Variants in NDE1 observed in about 807,000 individuals in gnomAD.
The protein encoded by NDE1 is nudE neurodevelopment protein 1, also known as nuclear distribution protein nudE homolog 1.
Under a neutral mutation model 43.4 loss-of-function variants are expected in NDE1, and 28 were observed. That is an observed-to-expected ratio of 0.65 (90% CI 0.48 to 0.89). NDE1 has a LOEUF of 0.89. Ranked by LOEUF, NDE1 falls within the 40% of genes least tolerant of loss-of-function variation. NDE1 has a pLI of 0.00. For missense variants in NDE1, 441 were observed against 434.1 expected (o/e 1.02, Z -0.14); for synonymous variants, 184 against 172.0 (o/e 1.07, Z -0.55).
intron 1 of NDE1, among the ~76,000 whole-genome samples, chr16:15,652,964 A>G (rs543290920): frequency 6.6e-6 from 1 of 152,206 alleles, no homozygotes; most frequent in Admixed American, 6.5e-5. Context: ...CGCCTGGCCT[A>G]AGCTTTTTAA....
rs9935327 is a variant in NDE1, at chr16:15,719,909, C to A, written c.948-4282C>A. ...CACCATTCTGGGTGGGCTCCACAGACCTGCCTGAGAAGCTGAGCCCCTGAT... is the reference window on the plus strand; with the variant it reads ...CACCATTCTGGGTGGGCTCCACAGAACTGCCTGAGAAGCTGAGCCCCTGAT... On this transcript the variant is annotated intron_variant, in intron 8 of 8. Coordinates refer to ENST00000396354, the MANE Select transcript of NDE1 (RefSeq NM_017668.3). Among the ~76,000 whole-genome samples the A allele has an allele frequency of 0.075, 11,462 of 152,210 alleles. 1,057 individuals carry two copies. Among genetic ancestry groups the A allele is most frequent in the African/African-American group, 0.22 (9,111 of 41,494 alleles).
intron 8 of NDE1, 153 bp from the exon 9 acceptor site, chr16:15,724,038 A>G (rs560599903): frequency 9.1e-5 from 139 of 1,520,446 alleles, no homozygotes; most frequent in Non-Finnish European, 1.2e-4. Flanking sequence ...ACAGCCTCCC[A>G]TGGCTCCCCA....
At chr16:15,719,803 A>G in intron 8 of NDE1, 2 of 1,564,850 alleles carry the variant, frequency 1.3e-6, no homozygotes, top group Non-Finnish European at 1.7e-6. Flanking sequence ...CACCCCTTGG[A>G]TTTTCTGCAG....
intron 3 of NDE1, among the ~76,000 whole-genome samples, chr16:15,674,395 C>T (rs985319455): frequency 6.6e-6 from 1 of 152,096 alleles, no homozygotes; most frequent in South Asian, 2.1e-4. Context: ...AGACAACGCA[C>T]CACCACACTC....
intron 4 of NDE1, chr16:15,686,948 C>T (rs892805872): frequency 1.3e-5 from 13 of 980,856 alleles, no homozygotes; most frequent in African/African-American, 1.0e-4. Context: ...CCACCTGCCT[C>T]GGCCTCCCAA....
At chr16:15,717,593 G>A (rs140233469) in intron 8 of NDE1, 292 of 587,684 alleles carry the variant, frequency 5.0e-4, no homozygotes, top group African/African-American at 4.2e-3. Context: ...TCAGGAGTTC[G>A]AGACCTGCCT....
intron 3 of NDE1, among the ~76,000 whole-genome samples, chr16:15,674,364 C>G (rs770814423): frequency 3.2e-4 from 49 of 152,106 alleles, no homozygotes; most frequent in Admixed American, 1.0e-3. Flanking sequence ...CTGCCTCAGC[C>G]TCCCGAGTGG....
chr16:15,703,836 G>T (rs1256840634), intron 8 of NDE1: 3 of 987,846 alleles, frequency 3.0e-6, no homozygotes, highest in Non-Finnish European at 4.8e-6. Context: ...TTGTGTGAGG[G>T]GTGTCTGTGA....
chr16:15,697,132 C>A lies in NDE1; in HGVS notation c.947+272C>A. 4 of 917,114 alleles carry A rather than the reference C, an allele frequency of 4.4e-6. No homozygotes were observed. The South Asian group carries it at 2.0e-4, about 46-fold the overall frequency. 56.8% of individuals were successfully genotyped at this position (917,114 alleles called of 1,614,324 possible). On this transcript the variant is annotated intron_variant, in intron 8 of 8. Transcript: ENST00000396354. Reference sequence around the variant, plus strand: ...GGCAGGATCATGGCTCACCCTCTGCCTCCCAGCTCAAACGATCCTCCCACC... The same window carrying A: ...GGCAGGATCATGGCTCACCCTCTGCATCCCAGCTCAAACGATCCTCCCACC...
Position 15,687,335 on chromosome 16 carries a change from G to C in NDE1, c.387-40G>C, listed in dbSNP as rs114010924. 2.2e-3 allele frequency: 3,482 copies of C among 1,613,664 alleles called. 74 individuals carry two copies. In the African/African-American group the frequency reaches 0.042, roughly 19 times the overall value. ...ATCCGCGGTGCTGGAGGGATGCTGC[G>C]GTTTGTCCTCTTGGATAACTCTGCT... On this transcript the variant is annotated intron_variant, in intron 4 of 8. Coordinates refer to ENST00000396354, the MANE Select transcript of NDE1 (RefSeq NM_017668.3).
At chr16:15,670,346 A>G (rs1466794902) in intron 3 of NDE1, among the ~76,000 whole-genome samples, 1 of 152,016 alleles carries the variant, frequency 6.6e-6, no homozygotes, top group Non-Finnish European at 1.5e-5. Context: ...CAGAACTCTG[A>G]TGTGGGGGCC....
chr16:15,652,934 G>A lies in NDE1; in HGVS notation c.-44+2640G>A, dbSNP rs191581538. Among the ~76,000 whole-genome samples, 20 of 152,238 alleles carry A rather than the reference G, an allele frequency of 1.3e-4. No individual in the cohort carries two copies. In the East Asian group the frequency reaches 2.5e-3, roughly 19 times the overall value. On this transcript the variant is annotated intron_variant, in intron 1 of 8. Coordinates refer to ENST00000396354, the MANE Select transcript of NDE1 (RefSeq NM_017668.3). ...TTCCGCCTCAGCCTCCCAACGTGCCGGGGTGGGAGAGAGCCACCGCGCCTG... is the reference window on the plus strand; with the variant it reads ...TTCCGCCTCAGCCTCCCAACGTGCCAGGGTGGGAGAGAGCCACCGCGCCTG...
chr16:15,681,334 C>T (rs74794281), intron 4 of NDE1, among the ~76,000 whole-genome samples: 1 of 117,902 alleles, frequency 8.5e-6, no homozygotes, highest in Non-Finnish European at 1.6e-5. Flanking sequence ...GGTGCAATTA[C>T]AGCTCACTGG....
chr16:15,657,907 C>T (rs1369590406), intron 1 of NDE1, among the ~76,000 whole-genome samples: 3 of 152,164 alleles, frequency 2.0e-5, no homozygotes, highest in African/African-American at 4.8e-5. Flanking sequence ...AGGCACCACT[C>T]TACCCTTTTG....
intron 7 of NDE1, 89 bp downstream of exon 7, chr16:15,694,345 CTTTT>C: frequency 1.3e-6 from 2 of 1,552,048 alleles, no homozygotes; most frequent in East Asian, 2.4e-5. Flanking sequence ...TCCCTCTCTT[CTTTT>C]TTTCTTTTTT....
chr16:15,693,155 G>C (rs1041546777), intron 6 of NDE1, among the ~76,000 whole-genome samples: 3 of 152,006 alleles, frequency 2.0e-5, no homozygotes, highest in African/African-American at 7.2e-5. Flanking sequence ...GCAGGCACCT[G>C]TTACCATGCC....
At chr16:15,694,395 GAGTGT>G (rs1313018231) in intron 7 of NDE1, 139 bp downstream of exon 7, 2 of 1,524,112 alleles carry the variant, frequency 1.3e-6, no homozygotes, top group Admixed American at 3.9e-5. Flanking sequence ...GCTCAGGCTG[GAGTGT>G]AGTGGTATGA....
intron 8 of NDE1, chr16:15,715,006 T>G (rs764994966): frequency 6.2e-7 from 1 of 1,613,878 alleles, no homozygotes; most frequent in East Asian, 2.2e-5. Flanking sequence ...CGGTTGGCGT[T>G]GATGCGCTGG....
intron 8 of NDE1, among the ~76,000 whole-genome samples, chr16:15,702,598 G>A (rs927189526): frequency 2.0e-5 from 3 of 150,192 alleles, no homozygotes; most frequent in Admixed American, 1.3e-4. Flanking sequence ...TTATAGAGAC[G>A]GGGGTCTCTC....
Sources: allele counts gnomAD v4.1 joint callset (sites outside exome capture counted in the v4.1 genomes callset), GRCh38; gene constraint gnomAD v4.1.1; transcripts MANE v1.5; gene names NCBI Gene and HGNC (gene_info 2026-07-23, HGNC 2026-07-21).